Variants in ANKRD13C observed in about 807,000 individuals in gnomAD.
ANKRD13C encodes ankyrin repeat domain-containing protein 13C.
In ANKRD13C, 16 loss-of-function variants were observed where a neutral mutation model predicts 65.5. The observed-to-expected ratio is 0.24, with a 90% CI of 0.17 to 0.37. The LOEUF (loss-of-function observed/expected upper bound fraction) is 0.37. Among genes scored for constraint, ANKRD13C ranks in the 10% least tolerant of loss-of-function variants. The probability of loss-of-function intolerance (pLI) is 1.00; values close to 1 mark genes in which losing one functional copy is unlikely to be tolerated. For missense variants in ANKRD13C, 503 were observed against 655.9 expected (o/e 0.77, Z 2.55); for synonymous variants, 235 against 238.7 (o/e 0.98, Z 0.14).
intron 9 of ANKRD13C, among the ~76,000 whole-genome samples, chr1:70,287,460 T>TTAAATA (rs1679672740): frequency 6.6e-6 from 1 of 152,124 alleles, no homozygotes; most frequent in African/African-American, 2.4e-5. Context: ...GGTCATTTCC[T>TTAAATA]TAAATGTAAA....
At chr1:70,303,050 C>G (rs1680445735) in intron 6 of ANKRD13C, among the ~76,000 whole-genome samples, 1 of 152,168 alleles carries the variant, frequency 6.6e-6, no homozygotes, top group Non-Finnish European at 1.5e-5. Context: ...GACAGACTGA[C>G]ATGGTGACCT....
chr1:70,316,617 G>A (rs1486375251), intron 3 of ANKRD13C, among the ~76,000 whole-genome samples: 2 of 152,038 alleles, frequency 1.3e-5, no homozygotes, highest in African/African-American at 4.8e-5. Context: ...GTGCCCAAGA[G>A]TTTGAGGCTG....
chr1:70,289,207 A>G (rs1408595609), intron 9 of ANKRD13C, among the ~76,000 whole-genome samples: 2 of 152,196 alleles, frequency 1.3e-5, no homozygotes, highest in Admixed American at 6.5e-5. Context: ...AGTTTGTTCC[A>G]TTATGTAGCT....
At chr1:70,300,661 A>T in intron 7 of ANKRD13C, 103 bp downstream of exon 7, 1 of 1,097,234 alleles carries the variant, frequency 9.1e-7, no homozygotes, top group Non-Finnish European at 1.2e-6. Context: ...AAACCATCTC[A>T]ATTATACCTT....
At chr1:70,350,345 A>G (rs1361873614) in intron 1 of ANKRD13C, among the ~76,000 whole-genome samples, 1 of 152,234 alleles carries the variant, frequency 6.6e-6, no homozygotes, top group Non-Finnish European at 1.5e-5. Context: ...TCATTTACTT[A>G]TTTAACACAC....
chr1:70,295,864 G>C (rs1680061849), intron 8 of ANKRD13C, among the ~76,000 whole-genome samples: 1 of 152,156 alleles, frequency 6.6e-6, no homozygotes, highest in African/African-American at 2.4e-5. Context: ...TGAAAACATT[G>C]TTCCCTGTAT....
chr1:70,332,038 A>C (rs28393094), intron 2 of ANKRD13C, among the ~76,000 whole-genome samples: 2 of 152,190 alleles, frequency 1.3e-5, no homozygotes, highest in African/African-American at 4.8e-5. Context: ...AAAAATGTTA[A>C]TGGATCAGTA....
Position 70,262,728 on chromosome 1 carries a change from G to A in ANKRD13C, c.1615C>T (p.Pro539Ser). The change falls in exon 13 of 13, where the codon CCT becomes TCT. Residue 539 changes from proline to serine, a missense_variant. Pro to Ser is a moderately conservative substitution (Grantham distance 74). Coordinates refer to ENST00000370944, the MANE Select transcript of ANKRD13C (RefSeq NM_030816.5). ...DDYKEDPSRF[P>S]DL ...CTTTTCCACGTCAGTTAAAGATCAG[G>A]AAAACGGCTTGGGTCTTCCTTGTAG... The A allele has an allele frequency of 6.2e-7, 1 of 1,612,278 alleles. No homozygotes were observed. Among genetic ancestry groups the A allele is most frequent in the South Asian group, 1.1e-5 (1 of 90,860 alleles).
chr1:70,333,245 A>G (rs919050774), intron 2 of ANKRD13C, among the ~76,000 whole-genome samples: 8 of 152,198 alleles, frequency 5.3e-5, no homozygotes, highest in Non-Finnish European at 1.2e-4. Context: ...AAATACGTGT[A>G]AAGTACTAGG....
chr1:70,269,677 A>G (rs1272465082), intron 12 of ANKRD13C, among the ~76,000 whole-genome samples: 2 of 152,092 alleles, frequency 1.3e-5, no homozygotes, highest in African/African-American at 4.8e-5. Context: ...TTTGAATTGC[A>G]AAGGGCAACT....
chr1:70,331,065 T>TAG (rs1340680496), intron 2 of ANKRD13C, among the ~76,000 whole-genome samples: 8 of 152,180 alleles, frequency 5.3e-5, no homozygotes, highest in African/African-American at 1.9e-4. Context: ...GGAAAGCATG[T>TAG]AGAAGTATAA....
intron 9 of ANKRD13C, among the ~76,000 whole-genome samples, chr1:70,281,048 T>A (rs1679364599): frequency 6.6e-6 from 1 of 152,068 alleles, no homozygotes; most frequent in Admixed American, 6.6e-5. Context: ...ATGGTGTTAC[T>A]ACCTAAGACA....
At chr1:70,341,726 T>C (rs937489054) in intron 1 of ANKRD13C, among the ~76,000 whole-genome samples, 11 of 152,168 alleles carry the variant, frequency 7.2e-5, no homozygotes, top group African/African-American at 1.7e-4. Flanking sequence ...TCTTACCTTC[T>C]TCTAGATTGA....
intron 6 of ANKRD13C, among the ~76,000 whole-genome samples, chr1:70,302,536 C>G (rs1680410159): frequency 8.8e-6 from 1 of 113,958 alleles, no homozygotes; most frequent in African/African-American, 3.8e-5. Flanking sequence ...ACCATCCCGG[C>G]TAAAACGGTG....
chr1:70,289,426 T>C (rs1189520179), intron 9 of ANKRD13C, among the ~76,000 whole-genome samples: 1 of 152,076 alleles, frequency 6.6e-6, no homozygotes, highest in African/African-American at 2.4e-5. Context: ...CTATAAAGTC[T>C]TATTTCCATA....
intron 1 of ANKRD13C, among the ~76,000 whole-genome samples, chr1:70,347,590 C>T (rs1253029581): frequency 1.3e-5 from 2 of 152,256 alleles, no homozygotes; most frequent in South Asian, 2.1e-4. Flanking sequence ...ATCCTCCCTC[C>T]CTTTTAAGAC....
chr1:70,297,474 A>G (rs1680140529), intron 7 of ANKRD13C, among the ~76,000 whole-genome samples: 1 of 148,584 alleles, frequency 6.7e-6, no homozygotes, highest in Admixed American at 6.7e-5. Flanking sequence ...TTTTATTTTT[A>G]GTAGAGACGG....
intron 9 of ANKRD13C, among the ~76,000 whole-genome samples, chr1:70,286,555 T>C (rs890346523): frequency 6.6e-6 from 1 of 152,158 alleles, no homozygotes; most frequent in Non-Finnish European, 1.5e-5. Context: ...TATTCACTAT[T>C]ATACTGGTGT....
intron 9 of ANKRD13C, among the ~76,000 whole-genome samples, chr1:70,280,512 G>T (rs1242661162): frequency 2.6e-5 from 4 of 152,180 alleles, no homozygotes; most frequent in Non-Finnish European, 5.9e-5. Context: ...TTTTACATAT[G>T]AAGTAGATCA....
Sources: allele counts gnomAD v4.1 joint callset (sites outside exome capture counted in the v4.1 genomes callset), GRCh38; gene constraint gnomAD v4.1.1; transcripts MANE v1.5; gene names NCBI Gene and HGNC (gene_info 2026-07-23, HGNC 2026-07-21).